KIAA1328: variants seen among roughly 807,000 people sequenced by gnomAD.
The protein encoded by KIAA1328 is KIAA1328.
In KIAA1328, 52 loss-of-function variants were observed where a neutral mutation model predicts 68.1. That is an observed-to-expected ratio of 0.76 (90% CI 0.61 to 0.96). The LOEUF is 0.96. Among genes scored for constraint, KIAA1328 ranks in the 40% least tolerant of loss-of-function variants. The pLI is 0.00. For missense variants in KIAA1328, 641 were observed against 677.6 expected, an observed-to-expected ratio of 0.95 and a Z score of 0.60; for synonymous variants, 232 against 239.4, an observed-to-expected ratio of 0.97 and a Z score of 0.28.
intron 6 of KIAA1328, among the ~76,000 whole-genome samples, chr18:37,043,165 G>T (rs1419435304): frequency 1.3e-5 from 2 of 152,030 alleles, no homozygotes; most frequent in Non-Finnish European, 2.9e-5. Context: ...TTCTTAAAAT[G>T]TTTTCTTTTA....
At chr18:37,160,018 A>C (rs1381854383) in intron 7 of KIAA1328, among the ~76,000 whole-genome samples, 182 bp from the exon 8 acceptor site, 1 of 152,206 alleles carries the variant, frequency 6.6e-6, no homozygotes, top group African/African-American at 2.4e-5. Flanking sequence ...TTTCTTTTCC[A>C]AAATTGTTGT....
At chr18:36,884,936 T>TA (rs2048448455) in intron 4 of KIAA1328, among the ~76,000 whole-genome samples, 1 of 152,172 alleles carries the variant, frequency 6.6e-6, no homozygotes, top group East Asian at 1.9e-4. Flanking sequence ...TTTTCAGAGT[T>TA]AAACATTTTC....
At chr18:36,903,778 C>T (rs944655510) in intron 5 of KIAA1328, 19 of 152,110 alleles carry the variant, frequency 1.2e-4, no homozygotes, top group African/African-American at 4.6e-4. Flanking sequence ...CTGTCATTGA[C>T]TCTCCAGAGG....
chr18:37,195,567 G>C (rs1406035401), intron 9 of KIAA1328, among the ~76,000 whole-genome samples: 1 of 152,116 alleles, frequency 6.6e-6, no homozygotes, highest in African/African-American at 2.4e-5. Flanking sequence ...CCTTTCCCCA[G>C]TATGTATTCT....
At chr18:37,006,011 A>G (rs2053767461) in intron 6 of KIAA1328, among the ~76,000 whole-genome samples, 1 of 151,986 alleles carries the variant, frequency 6.6e-6, no homozygotes, top group Admixed American at 6.6e-5. Context: ...AGTAAGTTAG[A>G]AGGAGTAAAT....
At chr18:36,852,570 A>G (rs1437598259) in intron 4 of KIAA1328, among the ~76,000 whole-genome samples, 1 of 151,926 alleles carries the variant, frequency 6.6e-6, no homozygotes, top group Non-Finnish European at 1.5e-5. Context: ...ACCAATCATT[A>G]CCTCCTCCTC....
Position 37,040,020 on chromosome 18 carries a change from A to T in KIAA1328, c.577-26870A>T, listed in dbSNP as rs552671671. ...ACTCTCATCTTAATAGAGGCTGCACACATTTCTCTACACCTGGCCCCCACC... is the reference window on the plus strand; with the variant it reads ...ACTCTCATCTTAATAGAGGCTGCACTCATTTCTCTACACCTGGCCCCCACC... On this transcript the variant is annotated intron_variant, in intron 6 of 9. Transcript: ENST00000280020. Among the ~76,000 whole-genome samples the T allele has an allele frequency of 4.1e-4, 62 of 152,286 alleles. 2 individuals carry two copies. The South Asian group carries it at 0.013, about 31-fold the overall frequency.
At chr18:37,104,536 TG>T (rs1181857032) in intron 7 of KIAA1328, among the ~76,000 whole-genome samples, 3 of 152,260 alleles carry the variant, frequency 2.0e-5, no homozygotes, top group Admixed American at 6.5e-5. Context: ...GAGTGATTGA[TG>T]AATGGGTACA....
chr18:36,837,136 G>A (rs116659633), intron 3 of KIAA1328, among the ~76,000 whole-genome samples: 31 of 152,166 alleles, frequency 2.0e-4, no homozygotes, highest in African/African-American at 7.0e-4. Flanking sequence ...TTGCTGTGTC[G>A]TGTAGTTTTA....
chr18:36,913,473 C>G (rs2049540113), intron 5 of KIAA1328, among the ~76,000 whole-genome samples: 1 of 129,444 alleles, frequency 7.7e-6, no homozygotes, highest in African/African-American at 2.9e-5. Context: ...AAGGCAATTA[C>G]AACCTTACAC....
intron 7 of KIAA1328, among the ~76,000 whole-genome samples, chr18:37,123,173 A>G (rs2058313395): frequency 6.6e-6 from 1 of 152,208 alleles, no homozygotes; most frequent in South Asian, 2.1e-4. Context: ...TTGTTAGTAT[A>G]CTAGAGAGCA....
chr18:37,020,403 G>A (rs141855412), intron 6 of KIAA1328, among the ~76,000 whole-genome samples: 1,650 of 152,248 alleles, frequency 0.011, 39 homozygotes, highest in African/African-American at 0.038. Flanking sequence ...GATTACAGGC[G>A]TGAGCCACCA....
intron 5 of KIAA1328, among the ~76,000 whole-genome samples, chr18:36,915,614 C>T (rs898570224): frequency 2.6e-5 from 4 of 152,050 alleles, no homozygotes; most frequent in Non-Finnish European, 4.4e-5. Flanking sequence ...ATGAAAACTA[C>T]AATGAGATAG....
At chr18:37,107,101 G>C (rs2057797242) in intron 7 of KIAA1328, among the ~76,000 whole-genome samples, 1 of 152,112 alleles carries the variant, frequency 6.6e-6, no homozygotes. Context: ...AAAATACCAG[G>C]CATGGTGGTG....
chr18:37,091,565 G>T (rs1028597692), intron 7 of KIAA1328, among the ~76,000 whole-genome samples: 1 of 152,116 alleles, frequency 6.6e-6, no homozygotes, highest in Non-Finnish European at 1.5e-5. Context: ...TCCATCAAGA[G>T]AGTTGATACT....
At chr18:36,922,588 T>C (rs2049968207) in intron 5 of KIAA1328, among the ~76,000 whole-genome samples, 1 of 152,196 alleles carries the variant, frequency 6.6e-6, no homozygotes, top group Non-Finnish European at 1.5e-5. Context: ...TTTTTGTTGT[T>C]GATTCTGATT....
intron 6 of KIAA1328, among the ~76,000 whole-genome samples, chr18:36,992,484 G>A (rs1443357871): frequency 8.4e-6 from 1 of 118,870 alleles, no homozygotes; most frequent in African/African-American, 4.4e-5. Flanking sequence ...TTTGCTATAT[G>A]TGGCCTTTCT....
chr18:37,049,046 T>G (rs1318047290), intron 6 of KIAA1328, among the ~76,000 whole-genome samples: 1 of 152,210 alleles, frequency 6.6e-6, no homozygotes, highest in Non-Finnish European at 1.5e-5. Flanking sequence ...CAAAAACCAT[T>G]ATTTATTGTG....
chr18:37,023,251 G>T (rs2054417392), intron 6 of KIAA1328, among the ~76,000 whole-genome samples: 1 of 152,142 alleles, frequency 6.6e-6, no homozygotes, highest in Admixed American at 6.6e-5. Context: ...GTCTTGCTCT[G>T]TTGCCCAGGC....
Sources: allele counts gnomAD v4.1 joint callset (sites outside exome capture counted in the v4.1 genomes callset), GRCh38; gene constraint gnomAD v4.1.1; transcripts MANE v1.5; gene names NCBI Gene and HGNC (gene_info 2026-07-23, HGNC 2026-07-21).